Variants in TAF9B observed in about 807,000 individuals in gnomAD.
TAF9B encodes the protein TATA-box binding protein associated factor 9b.
In TAF9B, 47 loss-of-function variants were observed where a neutral mutation model predicts 17.6. The ratio of observed to expected loss-of-function variants is 2.68; its 90% CI spans 2.12 to 3.41. The LOEUF is 3.41. Among genes scored for constraint, TAF9B ranks in the 30% most tolerant of loss-of-function variants. The pLI is 0.00. For synonymous variants in TAF9B, 84 were observed against 68.7 expected (o/e 1.22, Z -1.10); for missense variants, 218 against 189.3 (o/e 1.15, Z -0.89).
intron 1 of TAF9B, 24 bp downstream of exon 1, chrX:78,139,530 TCGCGATC>T (rs1444585186): frequency 7.4e-6 from 9 of 1,209,363 alleles, no homozygotes; most frequent in Admixed American, 2.2e-5. Context: ...GCACCTGGCT[TCGCGATC>T]CGCGGCTTAT....
chrX:78,138,657 A>G (rs189396115), intron 2 of TAF9B, among the ~76,000 whole-genome samples, 186 bp downstream of exon 2: 10 of 112,706 alleles, frequency 8.9e-5, no homozygotes, highest in African/African-American at 3.2e-4. Flanking sequence ...CGGGAGGCTG[A>G]GGCACAAGAA....
rs1569550982 is a variant in TAF9B, at chrX:78,131,379, CAACATT to C, written c.*225_*230del. ...AAAACAGAATTGCCATATTAGGACT[CAACATT>C]AATGAAACTATTAAGAAACAAGTAC... On this transcript the variant is annotated 3_prime_UTR_variant, in exon 7 of 7. Transcript: ENST00000341864. The C allele has an allele frequency of 1.1e-5, 3 of 273,193 alleles. No individual in the cohort carries two copies. In the East Asian group the frequency reaches 1.7e-4, roughly 16 times the overall value. The allele number at this position is 273,193 out of a possible 1,213,427, so 22.5% of individuals were successfully genotyped here. A position where few individuals can be genotyped will look rare whatever the true frequency, so the allele number is the denominator to read the frequency against.
Position 78,130,210 on chromosome X carries a change from C to T in TAF9B, c.*1400G>A, listed in dbSNP as rs1440431819. 2.7e-5 allele frequency: 3 copies of T among 112,184 alleles called. No individual in the cohort carries two copies. The highest frequency in any genetic ancestry group is 3.7e-4 in the South Asian group (1 of 2,738). The allele number at this position is 112,184 out of a possible 1,213,427, so 9.2% of individuals were successfully genotyped here. On this transcript the variant is annotated 3_prime_UTR_variant, in exon 7 of 7. Transcript: ENST00000341864. ...CAAACACTATCCTAAGATGAAACTT[C>T]TGTTTTGAGGATCCTTGGCTATAAA...
At chrX:78,137,725 GAA>G in intron 4 of TAF9B, 22 bp downstream of exon 4, 1 of 1,175,421 alleles carries the variant, frequency 8.5e-7, no homozygotes, top group Non-Finnish European at 1.1e-6. Flanking sequence ...TTTAAAAAAA[GAA>G]AAGTTGACTA....
At chrX:78,132,610 CTGTGTGTGTGTGTGTG>C (rs201863850) in intron 6 of TAF9B, among the ~76,000 whole-genome samples, 17 of 96,285 alleles carry the variant, frequency 1.8e-4, no homozygotes, top group South Asian at 5.1e-4. Context: ...TTATTCCAAT[CTGTGTGTGTGTGTGTG>C]TGTGTGTGTG....
chrX:78,138,451 T>C (rs1353443900), intron 2 of TAF9B, among the ~76,000 whole-genome samples: 2 of 113,049 alleles, frequency 1.8e-5, no homozygotes, highest in Non-Finnish European at 3.7e-5. Flanking sequence ...ACTGTTAACA[T>C]AATTTGGTTG....
intron 5 of TAF9B, among the ~76,000 whole-genome samples, chrX:78,135,296 G>T (rs2078429827): frequency 9.8e-6 from 1 of 101,564 alleles, no homozygotes; most frequent in Non-Finnish European, 2.0e-5. Context: ...GCATCTTTAT[G>T]CCTGGCGTGG....
intron 1 of TAF9B, 100 bp downstream of exon 1, chrX:78,139,461 C>A: frequency 1.8e-6 from 2 of 1,125,885 alleles, no homozygotes. Context: ...TAGACTGAAA[C>A]GAGCGTGCGA....
chrX:78,137,707 T>C, intron 4 of TAF9B, 42 bp downstream of exon 4: 4 of 1,151,073 alleles, frequency 3.5e-6, no homozygotes, highest in Non-Finnish European at 4.6e-6. Context: ...CCCTATCATA[T>C]TCCACCTTTT....
rs1301508789 is a variant in TAF9B, at chrX:78,130,096, A to G, written c.*1514T>C. The G allele has an allele frequency of 4.5e-5, 5 of 112,222 alleles. No homozygotes were observed. The East Asian group carries it at 8.3e-4, about 19-fold the overall frequency. 9.2% of individuals were successfully genotyped at this position (112,222 alleles called of 1,213,427 possible). A position where few individuals can be genotyped will look rare whatever the true frequency, so the allele number is the denominator to read the frequency against. Reference sequence around the variant, plus strand: ...TTTTATACATTTTACCTGTTTTTATATTACCTTTCCCTAATACTGAAAAAC... The same window carrying G: ...TTTTATACATTTTACCTGTTTTTATGTTACCTTTCCCTAATACTGAAAAAC... On this transcript the variant is annotated 3_prime_UTR_variant, in exon 7 of 7. Coordinates refer to ENST00000341864, the MANE Select transcript of TAF9B (RefSeq NM_015975.5).
rs782528426 is a variant in TAF9B, at chrX:78,138,794, C to T, written c.133+49G>A. On this transcript the variant is annotated intron_variant, in intron 2 of 6. Transcript: ENST00000341864. ...GAAAATGTTCTTACAATAAAAATAT[C>T]TTTTCAAGTTCACAAGTTAGGCAAG... The T allele has an allele frequency of 1.6e-5, 15 of 923,085 alleles. No homozygotes were observed. The South Asian group carries it at 2.6e-4, about 16-fold the overall frequency. The allele number at this position is 923,085 out of a possible 1,213,427, so 76.1% of individuals were successfully genotyped here.
intron 5 of TAF9B, among the ~76,000 whole-genome samples, chrX:78,134,802 G>A (rs1386995026): frequency 9.0e-6 from 1 of 111,662 alleles, no homozygotes; most frequent in African/African-American, 3.3e-5. Context: ...AAAACTCACA[G>A]TAGGTGGATG....
rs782379701 is a variant in TAF9B at position 78,137,907 on chromosome X, A to C, written c.271-24T>G. The C allele has an allele frequency of 6.8e-5, 81 of 1,196,277 alleles. 1 individual carries two copies. In the East Asian group the frequency reaches 7.7e-4, roughly 11 times the overall value. Reference sequence around the variant, plus strand: ...AACTTAAAAAAAAAATCCTTATTAGAACTACAGTTTTAAAAATTGTAAGTA... The same window carrying C: ...AACTTAAAAAAAAAATCCTTATTAGCACTACAGTTTTAAAAATTGTAAGTA... On this transcript the variant is annotated intron_variant, in intron 3 of 6. Transcript: ENST00000341864.
Position 78,137,740 on chromosome X carries a change from A to G in TAF9B, c.405+9T>C, listed in dbSNP as rs2078439264. 1.7e-6 allele frequency: 2 copies of G among 1,177,448 alleles called. No homozygotes were observed. The highest frequency in any genetic ancestry group is 3.6e-5 in the African/African-American group (2 of 54,957). The stretch of plus-strand genomic sequence containing the variant: ...TTTAAAAAAAGAAAAGTTGACTAAA[A>G]TTTCTTACCTTTTTAATTAAGGACT... On this transcript the variant is annotated intron_variant, in intron 4 of 6. Transcript: ENST00000341864.
Position 78,130,251 on chromosome X carries a change from C to T in TAF9B, c.*1359G>A, listed in dbSNP as rs10991. On this transcript the variant is annotated 3_prime_UTR_variant, in exon 7 of 7. Transcript: ENST00000341864. ...TGGCTATAAATTCTCAATTATGATA[C>T]GAACATTTATTTTACAAATTCTACA... 30,353 of 110,830 alleles carry T rather than the reference C, an allele frequency of 0.27. 3,188 individuals carry two copies. Among genetic ancestry groups the T allele is most frequent in the East Asian group, 0.38 (1,336 of 3,507 alleles). 9.1% of individuals were successfully genotyped at this position (110,830 alleles called of 1,213,427 possible).
rs1376154575 is a variant in TAF9B at position 78,130,674 on chromosome X, C to CA, written c.*935dup. On this transcript the variant is annotated 3_prime_UTR_variant, in exon 7 of 7. Transcript: ENST00000341864. ...GCCTAGGTCCAGTGTAATTACTTAT[C>CA]AAAACATGTTTTAAGCTACAGCATC... 1 of 112,536 alleles carries CA rather than the reference C, an allele frequency of 8.9e-6. No individual in the cohort carries two copies. Among genetic ancestry groups the CA allele is most frequent in the Non-Finnish European group, 1.9e-5 (1 of 53,273 alleles). 9.3% of individuals were successfully genotyped at this position (112,536 alleles called of 1,213,427 possible). A position where few individuals can be genotyped will look rare whatever the true frequency, so the allele number is the denominator to read the frequency against.
intron 6 of TAF9B, 125 bp downstream of exon 6, chrX:78,133,213 T>C (rs193247399): frequency 5.7e-6 from 3 of 524,170 alleles, no homozygotes; most frequent in Middle Eastern, 6.1e-4. Context: ...AGAACCCTCA[T>C]TTGCAGCATT....
chrX:78,134,772 T>C (rs1039815797), intron 5 of TAF9B, among the ~76,000 whole-genome samples: 14 of 111,395 alleles, frequency 1.3e-4, no homozygotes, highest in Non-Finnish European at 5.7e-5. Flanking sequence ...TGTAAGTATT[T>C]TATTTTATAA....
chrX:78,137,544 C>A (rs2078438507), intron 4 of TAF9B, among the ~76,000 whole-genome samples: 1 of 111,304 alleles, frequency 9.0e-6, no homozygotes, highest in Non-Finnish European at 1.9e-5. Context: ...TGAGTTCAGG[C>A]CCTGCTTCCT....
Sources: gnomAD v4.1 joint callset for allele counts (sites outside exome capture counted in the v4.1 genomes callset) on GRCh38, gnomAD v4.1.1 for gene constraint, MANE v1.5 for transcripts, NCBI Gene and HGNC (gene_info 2026-07-23, HGNC 2026-07-21) for gene names.